The following UBAC2 variants were observed in gnomAD, a reference collection of about 807,000 sequenced individuals.
UBAC2 encodes UBA domain containing 2.
UBAC2 carries 26 observed loss-of-function variants against 44.0 expected under a neutral mutation model. That is an observed-to-expected ratio of 0.59 (90% CI 0.43 to 0.82). The LOEUF (loss-of-function observed/expected upper bound fraction) is 0.82. UBAC2 is among the 40% of genes least tolerant of loss of function. The pLI, the probability that UBAC2 is intolerant of heterozygous loss-of-function variation, is 0.00. For synonymous variants in UBAC2, 155 were observed against 154.3 expected, an observed-to-expected ratio of 1.00 and a Z score of -0.04; for missense variants, 329 against 419.4, an observed-to-expected ratio of 0.78 and a Z score of 1.88.
chr13:99,226,900 T>C (rs1224704006), intron 1 of UBAC2, among the ~76,000 whole-genome samples: 1 of 152,154 alleles, frequency 6.6e-6, no homozygotes, highest in Non-Finnish European at 1.5e-5. Context: ...CCAGGTTGGA[T>C]AAGACCGGCA....
At chr13:99,216,941 C>T (rs915160968) in intron 1 of UBAC2, among the ~76,000 whole-genome samples, 10 of 151,634 alleles carry the variant, frequency 6.6e-5, no homozygotes, top group Admixed American at 2.0e-4. Flanking sequence ...AGTGATTCTC[C>T]TGCCTCAGCC....
intron 6 of UBAC2, among the ~76,000 whole-genome samples, chr13:99,338,126 C>T (rs1325255883): frequency 2.3e-5 from 3 of 128,300 alleles, no homozygotes; most frequent in Admixed American, 9.9e-5. Context: ...GGCACAATCT[C>T]GACTTACTGT....
chr13:99,341,432 A>C (rs2044886933), intron 7 of UBAC2, among the ~76,000 whole-genome samples: 1 of 144,166 alleles, frequency 6.9e-6, no homozygotes, highest in Admixed American at 6.9e-5. Flanking sequence ...GGGGGGAGGA[A>C]GGGGGCAGCT....
At chr13:99,241,553 A>G (rs2043300120) in intron 2 of UBAC2, among the ~76,000 whole-genome samples, 1 of 152,176 alleles carries the variant, frequency 6.6e-6, no homozygotes, top group African/African-American at 2.4e-5. Context: ...ATTCATAGAG[A>G]CATTAAGTAG....
intron 4 of UBAC2, among the ~76,000 whole-genome samples, chr13:99,304,975 G>T (rs2044310429): frequency 6.6e-6 from 1 of 152,208 alleles, no homozygotes. Flanking sequence ...GGGAATGGGA[G>T]CAGGGAGGAA....
At chr13:99,218,124 G>A (rs968390221) in intron 1 of UBAC2, among the ~76,000 whole-genome samples, 1 of 151,924 alleles carries the variant, frequency 6.6e-6, no homozygotes, top group Non-Finnish European at 1.5e-5. Context: ...AACTTATTTT[G>A]GCTTTTAAAA....
chr13:99,324,606 C>T (rs11842736), intron 6 of UBAC2, among the ~76,000 whole-genome samples: 87,737 of 152,114 alleles, frequency 0.58, 27,066 homozygotes, highest in Non-Finnish European at 0.71. Context: ...ACTTTACAAA[C>T]ATTATTTTAA....
At chr13:99,354,879 G>T (rs540999666) in intron 7 of UBAC2, among the ~76,000 whole-genome samples, 28 of 152,248 alleles carry the variant, frequency 1.8e-4, no homozygotes, top group African/African-American at 6.7e-4. Flanking sequence ...CAACAGCAAG[G>T]ACCTAAACGG....
intron 4 of UBAC2, chr13:99,255,335 AGAT>A (rs1247593876): frequency 1.2e-6 from 2 of 1,614,068 alleles, no homozygotes; most frequent in Admixed American, 1.7e-5. Context: ...GCTTTTAGAT[AGAT>A]GATGTCAGAA....
chr13:99,356,092 TTAAAG>T (rs1188541483), intron 7 of UBAC2: 1 of 510,516 alleles, frequency 2.0e-6, no homozygotes, highest in East Asian at 5.6e-5. Context: ...AGAAATGTCA[TTAAAG>T]TAAACAAGAC....
intron 6 of UBAC2, among the ~76,000 whole-genome samples, chr13:99,335,713 G>A (rs904632968): frequency 1.2e-4 from 18 of 152,348 alleles, no homozygotes; most frequent in African/African-American, 4.3e-4. Flanking sequence ...CTCTGCAGCT[G>A]TTCCCCTCTT....
chr13:99,378,725 G>T (rs1369557479), intron 8 of UBAC2, among the ~76,000 whole-genome samples: 1 of 152,206 alleles, frequency 6.6e-6, no homozygotes, highest in Non-Finnish European at 1.5e-5. Flanking sequence ...GGCTTGCATA[G>T]CTGTGTTCTC....
chr13:99,206,883 C>T (rs544827364), intron 1 of UBAC2, among the ~76,000 whole-genome samples: 17 of 152,358 alleles, frequency 1.1e-4, no homozygotes, highest in African/African-American at 2.2e-4. Flanking sequence ...CTGGGTGCTC[C>T]TTCCGCTTCC....
At chr13:99,315,949 TTAAAG>T (rs1566499203) in intron 5 of UBAC2, among the ~76,000 whole-genome samples, 1 of 151,942 alleles carries the variant, frequency 6.6e-6, no homozygotes, top group East Asian at 1.9e-4. Context: ...GTTTTTGCCA[TTAAAG>T]TAAGGCAAAA....
intron 4 of UBAC2, among the ~76,000 whole-genome samples, chr13:99,248,098 T>C (rs2043411003): frequency 6.6e-6 from 1 of 152,220 alleles, no homozygotes; most frequent in Admixed American, 6.5e-5. Flanking sequence ...TTTCTCAAGC[T>C]TTTTGGGCTA....
intron 7 of UBAC2, chr13:99,351,959 G>A (rs2045099041): frequency 2.9e-6 from 1 of 347,570 alleles, no homozygotes; most frequent in Non-Finnish European, 5.8e-6. Context: ...GCAGCATTTG[G>A]TTAAAGTGAG....
At chr13:99,249,861 G>A (rs1018636494) in intron 4 of UBAC2, among the ~76,000 whole-genome samples, 14 of 152,068 alleles carry the variant, frequency 9.2e-5, no homozygotes, top group Non-Finnish European at 1.2e-4. Flanking sequence ...GGCCGCTTGC[G>A]TGTCTTCTTT....
At chr13:99,248,261 T>A (rs1187651090) in intron 4 of UBAC2, among the ~76,000 whole-genome samples, 5 of 152,186 alleles carry the variant, frequency 3.3e-5, no homozygotes, top group Non-Finnish European at 7.3e-5. Context: ...CTTATTCAGT[T>A]GCCCAGGCCT....
At chr13:99,280,839 C>T (rs1003357636) in intron 4 of UBAC2, among the ~76,000 whole-genome samples, 72 of 151,464 alleles carry the variant, frequency 4.8e-4, no homozygotes, top group Admixed American at 7.9e-4. Flanking sequence ...CCCTCTCTCT[C>T]TCTCTCTCTC....
Sources: allele counts gnomAD v4.1 joint callset (sites outside exome capture counted in the v4.1 genomes callset), GRCh38; gene constraint gnomAD v4.1.1; transcripts MANE v1.5; gene names NCBI Gene and HGNC (gene_info 2026-07-23, HGNC 2026-07-21).